EPB41L5: variants seen among roughly 807,000 people sequenced by gnomAD.
EPB41L5 encodes the protein erythrocyte membrane protein band 4.1 like 5.
A neutral mutation model predicts 106.6 loss-of-function variants in EPB41L5; 55 were observed. The observed-to-expected ratio is 0.52, with a 90% CI of 0.42 to 0.65. The LOEUF is 0.65. Among genes scored for constraint, EPB41L5 ranks in the 30% least tolerant of loss-of-function variants. EPB41L5 has a pLI of 0.00. For synonymous variants in EPB41L5, 297 were observed against 306.7 expected, an observed-to-expected ratio of 0.97 and a Z score of 0.33; for missense variants, 871 against 882.1, an observed-to-expected ratio of 0.99 and a Z score of 0.16.
At chr2:120,087,385 T>G in intron 11 of EPB41L5, 145 bp downstream of exon 11, 1 of 507,350 alleles carries the variant, frequency 2.0e-6, no homozygotes. Context: ...ATAATTTCCT[T>G]ACTTGGGTCA....
chr2:120,139,438 A>G (rs900702266), intron 18 of EPB41L5, among the ~76,000 whole-genome samples: 7 of 152,084 alleles, frequency 4.6e-5, no homozygotes, highest in Non-Finnish European at 8.8e-5. Flanking sequence ...CTGACAATGG[A>G]CTAATAACCA....
chr2:120,131,032 T>C (rs1685664879), intron 17 of EPB41L5, among the ~76,000 whole-genome samples: 1 of 152,238 alleles, frequency 6.6e-6, no homozygotes, highest in African/African-American at 2.4e-5. Context: ...GTTTAATGTA[T>C]TATGTTTTCA....
intron 16 of EPB41L5, chr2:120,105,065 C>T (rs1435408871): frequency 2.0e-6 from 2 of 981,998 alleles, no homozygotes; most frequent in East Asian, 1.1e-4. Flanking sequence ...GCAACAGTCT[C>T]ATAATCTGAT....
chr2:120,088,670 C>T (rs531082945), intron 11 of EPB41L5, among the ~76,000 whole-genome samples: 63 of 152,282 alleles, frequency 4.1e-4, no homozygotes, highest in African/African-American at 1.5e-3. Context: ...ACTGCCAAAC[C>T]TCTTTCCAAA....
chr2:120,071,734 A>C (rs1442755256), intron 3 of EPB41L5, among the ~76,000 whole-genome samples: 2 of 152,202 alleles, frequency 1.3e-5, no homozygotes, highest in Non-Finnish European at 2.9e-5. Context: ...ATATGCAGAA[A>C]ACTGAACCTG....
chr2:120,093,925 C>A (rs534804594), intron 14 of EPB41L5, among the ~76,000 whole-genome samples: 1 of 152,050 alleles, frequency 6.6e-6, no homozygotes, highest in Non-Finnish European at 1.5e-5. Flanking sequence ...TTATGTGAAT[C>A]TTAAAAATTC....
chr2:120,042,268 C>T (rs1388007055), intron 3 of EPB41L5, among the ~76,000 whole-genome samples, 158 bp downstream of exon 3: 1 of 152,140 alleles, frequency 6.6e-6, no homozygotes, highest in Non-Finnish European at 1.5e-5. Context: ...TTAGCATCAC[C>T]TGAAGTACTT....
At chr2:120,161,375 CAAA>C (rs11333759) in intron 21 of EPB41L5, among the ~76,000 whole-genome samples, 27 of 129,858 alleles carry the variant, frequency 2.1e-4, no homozygotes, top group East Asian at 2.3e-4. Flanking sequence ...GAGACTGTCT[CAAA>C]AAAAAAAAAA....
At chr2:120,109,134 G>GA (rs1684606435) in intron 16 of EPB41L5, among the ~76,000 whole-genome samples, 1 of 151,942 alleles carries the variant, frequency 6.6e-6, no homozygotes, top group South Asian at 2.1e-4. Context: ...ACATACCCTT[G>GA]AATTTCTTGA....
chr2:120,173,969 T>C (rs1687815559), intron 24 of EPB41L5, among the ~76,000 whole-genome samples: 1 of 152,214 alleles, frequency 6.6e-6, no homozygotes, highest in South Asian at 2.1e-4. Flanking sequence ...GTGCGCCACC[T>C]TACCCAGCGT....
chr2:120,071,220 C>T (rs1037212660), intron 3 of EPB41L5, among the ~76,000 whole-genome samples: 1 of 152,120 alleles, frequency 6.6e-6, no homozygotes, highest in Non-Finnish European at 1.5e-5. Flanking sequence ...TGAGTGAACT[C>T]CCATTCACAA....
intron 16 of EPB41L5, chr2:120,106,383 C>T: frequency 1.0e-6 from 1 of 985,042 alleles, no homozygotes. Flanking sequence ...CTGATATTTG[C>T]AAGATGGATA....
At chr2:120,156,505 C>T (rs559759166) in intron 20 of EPB41L5, among the ~76,000 whole-genome samples, 1 of 152,282 alleles carries the variant, frequency 6.6e-6, no homozygotes, top group Admixed American at 6.5e-5. Context: ...TGCACCCTGC[C>T]CTGCCACTGC....
chr2:120,048,294 T>G (rs1053350525), intron 3 of EPB41L5, among the ~76,000 whole-genome samples: 2 of 151,830 alleles, frequency 1.3e-5, no homozygotes, highest in African/African-American at 4.8e-5. Flanking sequence ...GGTCCTGGGC[T>G]TTTTTTTGGT....
chr2:120,111,731 G>A (rs1684736786), intron 16 of EPB41L5, among the ~76,000 whole-genome samples: 1 of 151,956 alleles, frequency 6.6e-6, no homozygotes, highest in Non-Finnish European at 1.5e-5. Flanking sequence ...CTCCTCTACT[G>A]TCTGGTACTC....
At position 120,145,878 on chromosome 2, in the gene EPB41L5, A is replaced by C. The variant is rs533689664; in HGVS notation, c.1729-347A>C. Among the ~76,000 whole-genome samples the C allele has an allele frequency of 8.5e-4, 130 of 152,188 alleles. 2 individuals carry two copies. The highest frequency in any genetic ancestry group is 1.0e-3 in the Admixed American group (16 of 15,268). On this transcript the variant is annotated intron_variant, in intron 19 of 24. Transcript: ENST00000263713. Reference sequence around the variant, plus strand: ...GGAGAATCACTTGAACCTGGGAGGCAGAGGTTGCAGTGAGCTGAGATTGTA... The same window carrying C: ...GGAGAATCACTTGAACCTGGGAGGCCGAGGTTGCAGTGAGCTGAGATTGTA...
rs563020233 is a variant in EPB41L5, at chr2:120,100,107, A to G, written c.1179-137A>G. 3.2e-5 allele frequency: 20 copies of G among 631,220 alleles called. No homozygotes were observed. The East Asian group carries it at 5.1e-4, about 16-fold the overall frequency. 39.1% of individuals were successfully genotyped at this position (631,220 alleles called of 1,614,324 possible). A position where few individuals can be genotyped will look rare whatever the true frequency, so the allele number is the denominator to read the frequency against. On this transcript the variant is annotated intron_variant, in intron 14 of 24. Coordinates refer to ENST00000263713, the MANE Select transcript of EPB41L5 (RefSeq NM_020909.4). Reference sequence around the variant, plus strand: ...GACATTCTTAGTTTTAGGTACTAGCAGTAGTTTTATTCTTTATTTGAAACA... The same window carrying G: ...GACATTCTTAGTTTTAGGTACTAGCGGTAGTTTTATTCTTTATTTGAAACA...
intron 3 of EPB41L5, 51 bp downstream of exon 3, chr2:120,042,161 T>C: frequency 2.2e-6 from 3 of 1,377,740 alleles, no homozygotes; most frequent in Non-Finnish European, 3.1e-6. Flanking sequence ...AAACAGGAAA[T>C]TTCAGATGAT....
rs182131710 is a variant in EPB41L5 at position 120,163,819 on chromosome 2, G to C, written c.1888-1017G>C. 3.6e-3 allele frequency among the ~76,000 whole-genome samples: 550 copies of C among 151,764 alleles called. 2 individuals carry two copies. The highest frequency in any genetic ancestry group is 0.012 in the African/African-American group (517 of 41,398). ...AAAAAAAAATTGGCTGGGCATGGTG[G>C]TGCACACCTGTAGTCCCAGCTACTT... is the stretch of plus-strand genomic sequence containing the variant. On this transcript the variant is annotated intron_variant, in intron 21 of 24. Transcript: ENST00000263713.
Sources: gnomAD v4.1 joint callset for allele counts (sites outside exome capture counted in the v4.1 genomes callset) on GRCh38, gnomAD v4.1.1 for gene constraint, MANE v1.5 for transcripts, NCBI Gene and HGNC (gene_info 2026-07-23, HGNC 2026-07-21) for gene names.